FMR1NB: variants seen among roughly 807,000 people sequenced by gnomAD.
FMR1NB encodes FMR1 neighbor protein.
In FMR1NB, 10 loss-of-function variants were observed where a neutral mutation model predicts 16.8. That is an observed-to-expected ratio of 0.60 (90% CI 0.37 to 1.01). FMR1NB has a LOEUF of 1.01. FMR1NB is among the 50% of genes least tolerant of loss of function. The pLI is 0.01. For missense variants in FMR1NB, 205 were observed against 204.8 expected (o/e 1.00, Z 0.00); for synonymous variants, 83 against 79.1 (o/e 1.05, Z -0.26).
chrX:148,025,351 G>A (rs782801720), intron 5 of FMR1NB, among the ~76,000 whole-genome samples: 1 of 111,381 alleles, frequency 9.0e-6, no homozygotes, highest in East Asian at 2.8e-4. Flanking sequence ...GTCCTCATAT[G>A]TGACCACATC....
chrX:148,025,224 T>G (rs1416859753), intron 5 of FMR1NB, among the ~76,000 whole-genome samples: 1 of 111,183 alleles, frequency 9.0e-6, no homozygotes, highest in Non-Finnish European at 1.9e-5. Flanking sequence ...TTGTTTTGAG[T>G]GCCACATTAT....
At chrX:148,007,953 C>T (rs2044605392) in intron 3 of FMR1NB, 1 of 112,133 alleles carries the variant, frequency 8.9e-6, no homozygotes, top group East Asian at 2.8e-4. Flanking sequence ...ACATTTGGTT[C>T]TTGCAGAGGA....
chrX:147,999,173 C>G (rs2044558522), intron 1 of FMR1NB, among the ~76,000 whole-genome samples: 1 of 111,515 alleles, frequency 9.0e-6, no homozygotes, highest in African/African-American at 3.3e-5. Flanking sequence ...GTTGGGGACT[C>G]TAAGTTGGGG....
At chrX:148,026,039 G>A (rs1419350483) in intron 5 of FMR1NB, 2 of 110,358 alleles carry the variant, frequency 1.8e-5, no homozygotes, top group Admixed American at 1.9e-4. Flanking sequence ...TTTATATAAG[G>A]TATCATATAT....
chrX:148,020,462 A>T (rs782396676), intron 4 of FMR1NB, among the ~76,000 whole-genome samples: 8 of 112,339 alleles, frequency 7.1e-5, no homozygotes, highest in Middle Eastern at 4.6e-3. Flanking sequence ...TTTCTCAAGC[A>T]GGAGTCTCTC....
intron 4 of FMR1NB, among the ~76,000 whole-genome samples, chrX:148,010,154 T>G (rs1260590370): frequency 8.9e-6 from 1 of 112,569 alleles, no homozygotes; most frequent in East Asian, 2.8e-4. Flanking sequence ...TCCTAATATA[T>G]TTCCTTCTTT....
chrX:148,023,245 A>G (rs1370432742), intron 4 of FMR1NB, among the ~76,000 whole-genome samples: 2 of 111,412 alleles, frequency 1.8e-5, no homozygotes, highest in Non-Finnish European at 3.8e-5. Context: ...TTTTTTTTAG[A>G]CTGTAGGTAA....
chrX:148,009,912 G>A (rs782565396), intron 4 of FMR1NB, among the ~76,000 whole-genome samples: 88 of 111,704 alleles, frequency 7.9e-4, no homozygotes, highest in Non-Finnish European at 1.5e-3. Flanking sequence ...TCTCTTCAAA[G>A]GTTGATTTTG....
intron 1 of FMR1NB, among the ~76,000 whole-genome samples, chrX:147,993,229 A>G (rs1355952356): frequency 8.9e-6 from 1 of 112,973 alleles, no homozygotes; most frequent in East Asian, 2.8e-4. Flanking sequence ...GGCCCGGCCA[A>G]CACAGCGAAA....
chrX:148,016,713 A>G (rs1557190162), intron 4 of FMR1NB, among the ~76,000 whole-genome samples: 1 of 111,857 alleles, frequency 8.9e-6, no homozygotes, highest in African/African-American at 3.2e-5. Context: ...CATTGTTTGC[A>G]TAAACAGTCA....
chrX:148,006,780 A>AGT lies in FMR1NB; in HGVS notation c.476_477insGT (p.His159GlnfsTer27). The AGT allele has an allele frequency of 8.3e-7, 1 of 1,211,319 alleles. No homozygotes were observed. The highest frequency in any genetic ancestry group is 1.1e-6 in the Non-Finnish European group (1 of 895,160). On this transcript the variant is annotated frameshift_variant, in exon 3 of 6. Transcript: ENST00000370467. LOFTEE classifies it high-confidence loss of function. ...CTTAGTGAGAGTGAATGTTTGAGAC[A>AGT]CAAATGCTGTTTTTCATCATCGGGG...
At chrX:148,021,918 C>G (rs2044681498) in intron 4 of FMR1NB, among the ~76,000 whole-genome samples, 1 of 107,065 alleles carries the variant, frequency 9.3e-6, no homozygotes, top group South Asian at 4.3e-4. Flanking sequence ...TTTTATCCAG[C>G]CTGGATCCCA....
At chrX:148,018,517 C>T (rs1266838864) in intron 4 of FMR1NB, among the ~76,000 whole-genome samples, 17 of 111,532 alleles carry the variant, frequency 1.5e-4, no homozygotes, top group Non-Finnish European at 2.1e-4. Context: ...AGAAGTAACA[C>T]TGCATATCTA....
intron 2 of FMR1NB, among the ~76,000 whole-genome samples, chrX:148,004,925 C>G (rs1371800940): frequency 1.8e-5 from 2 of 112,678 alleles, no homozygotes; most frequent in African/African-American, 6.4e-5. Flanking sequence ...GAGTCTCGCT[C>G]TGTTGCCAGG....
chrX:147,992,700 C>T lies in FMR1NB; in HGVS notation c.278-10501C>T, dbSNP rs1269521831. Reference sequence around the variant, plus strand: ...GCAGAGGGTCTCCTCACTTCTCAGACGGGGCGGCCGGGCAGAGACGCTCCT... The same window carrying T: ...GCAGAGGGTCTCCTCACTTCTCAGATGGGGCGGCCGGGCAGAGACGCTCCT... On this transcript the variant is annotated intron_variant, in intron 1 of 5. Coordinates refer to ENST00000370467, the MANE Select transcript of FMR1NB (RefSeq NM_152578.3). Among the ~76,000 whole-genome samples, 116 of 53,490 alleles carry T rather than the reference C, an allele frequency of 2.2e-3. 4 individuals carry two copies. The highest frequency in any genetic ancestry group is 0.011 in the African/African-American group (101 of 9,500). The allele number at this position is 53,490 out of a possible 115,157, so 46.4% of individuals were successfully genotyped here.
chrX:147,982,275 C>G (rs1364585917), intron 1 of FMR1NB, among the ~76,000 whole-genome samples: 28 of 92,930 alleles, frequency 3.0e-4, no homozygotes, highest in Admixed American at 5.0e-4. Context: ...GGTGAGAGAG[C>G]GAGACTCCGT....
chrX:148,001,172 A>C (rs1557188621), intron 1 of FMR1NB, among the ~76,000 whole-genome samples: 1 of 112,154 alleles, frequency 8.9e-6, no homozygotes, highest in Non-Finnish European at 1.9e-5. Flanking sequence ...TCTGAATACA[A>C]TGATAAACCT....
intron 4 of FMR1NB, among the ~76,000 whole-genome samples, chrX:148,014,307 T>C (rs2044639112): frequency 9.0e-6 from 1 of 111,676 alleles, no homozygotes; most frequent in Admixed American, 9.5e-5. Context: ...TAAGGATACC[T>C]GCCAAACCAG....
intron 1 of FMR1NB, among the ~76,000 whole-genome samples, chrX:148,001,865 A>G (rs1603078733): frequency 9.1e-6 from 1 of 109,316 alleles, no homozygotes; most frequent in African/African-American, 3.5e-5. Context: ...CTATAAGGAT[A>G]TAGTAAGGAT....
Sources: gnomAD v4.1 joint callset for allele counts (sites outside exome capture counted in the v4.1 genomes callset) on GRCh38, gnomAD v4.1.1 for gene constraint, MANE v1.5 for transcripts, NCBI Gene and HGNC (gene_info 2026-07-23, HGNC 2026-07-21) for gene names.